ABR: variants seen among roughly 807,000 people sequenced by gnomAD.
ABR encodes the protein active breakpoint cluster region-related protein.
A neutral mutation model predicts 107.2 loss-of-function variants in ABR; 35 were observed. The ratio of observed to expected loss-of-function variants is 0.33; its 90% CI spans 0.25 to 0.43. The LOEUF (loss-of-function observed/expected upper bound fraction) is 0.43, where lower values mean the gene tolerates loss of function less well. Ranked by LOEUF, ABR falls within the 20% of genes least tolerant of loss-of-function variation. The pLI is 1.00. For synonymous variants in ABR, 498 were observed against 462.0 expected, an observed-to-expected ratio of 1.08 and a Z score of -1.00; for missense variants, 815 against 1,115.2, an observed-to-expected ratio of 0.73 and a Z score of 3.83.
At chr17:1,031,526 CCCCCGCA>C in intron 16 of ABR, 3 of 302,608 alleles carry the variant, frequency 9.9e-6, no homozygotes, top group East Asian at 5.7e-5. Context: ...GCCCCCGCAG[CCCCCGCA>C]GCCCCCCGAG....
At chr17:1,080,570 GTGCCCAGGTGATGAGGCCAAGGTCAGC>G (rs1214959262) in intron 5 of ABR, among the ~76,000 whole-genome samples, 143 of 151,770 alleles carry the variant, frequency 9.4e-4, no homozygotes, top group Middle Eastern at 3.4e-3. Flanking sequence ...CCAGGGTCAG[GTGCCCAGGTGATGAGGCCAAGGTCAGC>G]TGCCCAGGTG....
At chr17:1,039,829 G>C (rs1023085944) in intron 16 of ABR, among the ~76,000 whole-genome samples, 5 of 152,304 alleles carry the variant, frequency 3.3e-5, no homozygotes, top group Non-Finnish European at 5.9e-5. Flanking sequence ...AGCCGAGGCG[G>C]GGCCTGACAT....
At position 1,012,298 on chromosome 17, in the gene ABR, T is replaced by A. The variant is rs2070663110; in HGVS notation, c.1962-313A>T. On this transcript the variant is annotated intron_variant, in intron 18 of 22. Transcript: ENST00000302538. ...TAGGAGGCCCAGCAGGCAGCCCACA[T>A]GAGGAGGTGGGTCAGGCCTGAGACA... 3 of 629,274 alleles carry A rather than the reference T, an allele frequency of 4.8e-6. No individual in the cohort carries two copies. The African/African-American group carries it at 5.4e-5, about 11-fold the overall frequency. The allele number at this position is 629,274 out of a possible 1,614,324, so 39.0% of individuals were successfully genotyped here.
chr17:1,071,828 T>C lies in ABR; in HGVS notation c.894+786A>G, dbSNP rs2035264612. On this transcript the variant is annotated intron_variant, in intron 8 of 22. Coordinates refer to ENST00000302538, the MANE Select transcript of ABR (RefSeq NM_021962.5). This position sits in a 1 kb window ranked among gnomAD's most constrained non-coding sequence, Gnocchi z 5.1. ...GACAGTCCCAGGTGAGGAATCCAGC[T>C]CTGACACCAGTGGCTGAAAGACTGC... 6.6e-6 allele frequency among the ~76,000 whole-genome samples: 1 copy of C among 152,228 alleles called. No homozygotes were observed. Among genetic ancestry groups the C allele is most frequent in the South Asian group, 2.1e-4 (1 of 4,836 alleles).
In ABR at chr17:1,169,362, T is replaced by C. The variant is rs553549367; in HGVS notation, c.61+10305A>G. On this transcript the variant is annotated intron_variant, in intron 1 of 22. Transcript: ENST00000302538. Reference sequence around the variant, plus strand: ...TGTGAAGATGAAATGAGATCACGAATGTGAGAACGCTCGCTCTACTCTTGC... The same window carrying C: ...TGTGAAGATGAAATGAGATCACGAACGTGAGAACGCTCGCTCTACTCTTGC... Among the ~76,000 whole-genome samples, 6 of 152,356 alleles carry C rather than the reference T, an allele frequency of 3.9e-5. No homozygotes were observed. In the East Asian group the frequency reaches 1.2e-3, roughly 29 times the overall value.
Position 1,030,661 on chromosome 17 carries a change from C to T in ABR, c.1792-17497G>A, listed in dbSNP as rs542654381. Among the ~76,000 whole-genome samples, 3 of 152,366 alleles carry T rather than the reference C, an allele frequency of 2.0e-5. No individual in the cohort carries two copies. The East Asian group carries it at 5.8e-4, about 29-fold the overall frequency. ...GGGGCCAGTGAGCCCAAGATCACTT[C>T]GTCCTGGCTGATGCCAGGAGCCTCA... On this transcript the variant is annotated intron_variant, in intron 16 of 22. Coordinates refer to ENST00000302538, the MANE Select transcript of ABR (RefSeq NM_021962.5).
intron 1 of ABR, among the ~76,000 whole-genome samples, chr17:1,137,337 C>CG (rs2151486660): frequency 6.6e-6 from 1 of 152,252 alleles, no homozygotes; most frequent in Non-Finnish European, 1.5e-5. Context: ...CCACCGAGCC[C>CG]GGGCTAAACT....
upstream of ABR, among the ~76,000 whole-genome samples, chr17:1,191,359 T>TTC (rs1391192245): frequency 1.4e-4 from 19 of 139,314 alleles, no homozygotes; most frequent in Non-Finnish European, 2.8e-4. Flanking sequence ...CTTTTCTTTT[T>TTC]TTTTTTTTTT....
intron 1 of ABR, among the ~76,000 whole-genome samples, chr17:1,135,452 G>A (rs2040021173): frequency 6.7e-6 from 1 of 149,918 alleles, no homozygotes; most frequent in Non-Finnish European, 1.5e-5. Flanking sequence ...CCTGTCGCAA[G>A]GGTGATACAG....
chr17:1,015,846 T>C (rs2071113734), intron 16 of ABR, among the ~76,000 whole-genome samples: 1 of 152,196 alleles, frequency 6.6e-6, no homozygotes, highest in Admixed American at 6.5e-5. Flanking sequence ...TTTTTTGCTT[T>C]AGTTCGCGTA....
chr17:1,117,841 C>T (rs377732842), intron 2 of ABR, among the ~76,000 whole-genome samples: 497 of 8,486 alleles, frequency 0.059, 55 homozygotes, highest in East Asian at 0.17. Context: ...GAGCCTGAGT[C>T]CCTCCCAGCG....
chr17:1,005,462 A>C lies in ABR; in HGVS notation c.*618T>G. ...GTGCTCCCAAAGGCGGAGTCTGAGG[A>C]GGGGCCGGCAGCGGCAAACGGCAGC... On this transcript the variant is annotated 3_prime_UTR_variant, in exon 23 of 23. Coordinates refer to ENST00000302538, the MANE Select transcript of ABR (RefSeq NM_021962.5). 3.5e-6 allele frequency: 1 copy of C among 283,152 alleles called. No homozygotes were observed. The highest frequency in any genetic ancestry group is 6.5e-6 in the Non-Finnish European group (1 of 152,980). 17.5% of individuals were successfully genotyped at this position (283,152 alleles called of 1,614,324 possible).
intron 1 of ABR, among the ~76,000 whole-genome samples, chr17:1,173,281 C>CCCACCCAACACATCACCTCAGT (rs1567858093): frequency 4.4e-5 from 2 of 45,144 alleles, no homozygotes; most frequent in African/African-American, 7.3e-5. Flanking sequence ...ATCACCTCAG[C>CCCACCCAACACATCACCTCAGT]CCACCCAACA....
At position 1,013,094 on chromosome 17, in the gene ABR, C is replaced by T; in HGVS notation, c.1851+11G>A. ...GGCTCACGCCACTGATCATTCCCAT[C>T]CCCGGCTCACCCCGTTCATCTCAAT... is the stretch of plus-strand genomic sequence containing the variant. On this transcript the variant is annotated intron_variant, in intron 17 of 22. Coordinates refer to ENST00000302538, the MANE Select transcript of ABR (RefSeq NM_021962.5). The T allele has an allele frequency of 6.2e-7, 1 of 1,613,928 alleles. No individual in the cohort carries two copies. The highest frequency in any genetic ancestry group is 8.5e-7 in the Non-Finnish European group (1 of 1,179,856).
intron 6 of ABR, among the ~76,000 whole-genome samples, chr17:1,077,540 C>T (rs1159975982): frequency 2.0e-5 from 3 of 152,172 alleles, no homozygotes; most frequent in Admixed American, 1.3e-4. Flanking sequence ...CCCTGCTGGG[C>T]CGCAGGAGAG....
intron 14 of ABR, among the ~76,000 whole-genome samples, chr17:1,052,319 AG>A (rs970358832): frequency 6.6e-5 from 9 of 137,066 alleles, no homozygotes; most frequent in African/African-American, 2.5e-4. Flanking sequence ...TCTCGGTGTG[AG>A]CCCCTCCTCG....
chr17:1,139,818 G>A (rs1299670483), intron 1 of ABR, among the ~76,000 whole-genome samples: 1 of 152,138 alleles, frequency 6.6e-6, no homozygotes, highest in Non-Finnish European at 1.5e-5. Flanking sequence ...CACGAAGTGT[G>A]TGGGCTGCCC....
chr17:1,093,329 C>T (rs1399727753), intron 3 of ABR, among the ~76,000 whole-genome samples: 2 of 151,952 alleles, frequency 1.3e-5, no homozygotes, highest in South Asian at 4.1e-4. Context: ...ATTAGCTGGG[C>T]GTGGTGGTGC....
intron 16 of ABR, among the ~76,000 whole-genome samples, chr17:1,016,538 G>A (rs1219392145): frequency 1.3e-5 from 2 of 151,760 alleles, no homozygotes; most frequent in Non-Finnish European, 2.9e-5. Context: ...CTGGTCTCGA[G>A]CTCCTGACCT....
Sources: allele counts gnomAD v4.1 joint callset (sites outside exome capture counted in the v4.1 genomes callset), GRCh38; gene constraint gnomAD v4.1.1; non-coding constraint Gnocchi (gnomAD v3.1); transcripts MANE v1.5; gene names NCBI Gene and HGNC (gene_info 2026-07-23, HGNC 2026-07-21).